Variants in VILL observed in about 807,000 individuals in gnomAD.
VILL encodes villin like.
In VILL, 102 loss-of-function variants were observed where a neutral mutation model predicts 106.3. That is an observed-to-expected ratio of 0.96 (90% confidence interval 0.82 to 1.13). The LOEUF (loss-of-function observed/expected upper bound fraction) is 1.13, where lower values mean the gene tolerates loss of function less well. VILL is among the 50% of genes most tolerant of loss of function. The probability of loss-of-function intolerance (pLI) is 0.00; values close to 1 mark genes in which losing one functional copy is unlikely to be tolerated. For missense variants in VILL, 1,076 were observed against 1,116.6 expected (o/e 0.96, Z 0.52); for synonymous variants, 431 against 440.3 (o/e 0.98, Z 0.27).
intron 3 of VILL, 122 bp downstream of exon 3, chr3:37,994,094 A>G (rs1699655202): frequency 6.9e-7 from 1 of 1,449,650 alleles, no homozygotes; most frequent in African/African-American, 1.4e-5. Flanking sequence ...ATCACATCCC[A>G]CAAGGGGGCG....
At chr3:37,993,753 G>C (rs768104112) in intron 2 of VILL, 21 bp downstream of exon 2, 3 of 1,613,396 alleles carry the variant, frequency 1.9e-6, no homozygotes, top group Admixed American at 1.7e-5. Context: ...CGACCAAATA[G>C]GAGAGTTGGT....
At chr3:37,994,228 C>G (rs1019106412) in intron 3 of VILL, 33 bp from the exon 4 acceptor site, 1 of 1,576,796 alleles carries the variant, frequency 6.3e-7, no homozygotes. Flanking sequence ...CCGTCTTCCC[C>G]GCAACACATA....
chr3:37,999,070 CT>C lies in VILL; in HGVS notation c.1081+21del. 6.7e-6 allele frequency: 2 copies of C among 300,436 alleles called. No individual in the cohort carries two copies. The highest frequency in any genetic ancestry group is 1.1e-5 in the Non-Finnish European group (2 of 184,978). The allele number at this position is 300,436 out of a possible 1,614,324, so 18.6% of individuals were successfully genotyped here. On this transcript the variant is annotated intron_variant, in intron 10 of 19. Coordinates refer to ENST00000383759, the MANE Select transcript of VILL (RefSeq NM_015873.4). Reference sequence around the variant, plus strand: ...GGAGGGGTGAGCGGGCGGGGCGGGGCTGACGGGGGCGGGGCGGGACTGGCGG... The same window carrying C: ...GGAGGGGTGAGCGGGCGGGGCGGGGCGACGGGGGCGGGGCGGGACTGGCGG...
intron 1 of VILL, among the ~76,000 whole-genome samples, chr3:37,991,343 AAG>A (rs1481777871): frequency 3.3e-5 from 5 of 149,926 alleles, no homozygotes; most frequent in Non-Finnish European, 7.4e-5. Context: ...TGCCCCGGGA[AAG>A]AGAGGGGAGC....
chr3:38,004,098 A>G, intron 15 of VILL, 157 bp from the exon 16 acceptor site: 1 of 928,004 alleles, frequency 1.1e-6, no homozygotes. Flanking sequence ...TACCCAGAGC[A>G]GAGCGGAGTG....
Position 38,006,219 on chromosome 3 carries a change from G to A in VILL, c.2172G>A (p.Pro724=), listed in dbSNP as rs774099760. 49 of 1,614,182 alleles carry A rather than the reference G, an allele frequency of 3.0e-5. No individual in the cohort carries two copies. In the East Asian group the frequency reaches 5.3e-4, roughly 18 times the overall value. The change falls in exon 18 of 20, where the codon CCG becomes CCA. Residue 724 remains proline (P), a synonymous_variant. Coordinates refer to ENST00000383759, the MANE Select transcript of VILL (RefSeq NM_015873.4). ...ACAAGGAAGTGGTGGATGGCAGCCC[G>A]GCAGCAGCATCAACCATCTCTGAGA... The part of the protein sequence containing the change: ...PSHKEVVDGS[P]AAASTISEIT...
chr3:37,998,981 G>A lies in VILL; in HGVS notation c.1012G>A (p.Ala338Thr). 6.2e-7 allele frequency: 1 copy of A among 1,610,110 alleles called. No homozygotes were observed. Among genetic ancestry groups the A allele is most frequent in the Non-Finnish European group, 8.5e-7 (1 of 1,178,484 alleles). ...GGTGGTGAACGACGGCGCCGAGTCG[G>A]CCGCGTTCAAGCAGCTCTTCCGGAC... is the stretch of plus-strand genomic sequence containing the variant. The part of the protein sequence containing the change: ...VEVVNDGAES[A>T]AFKQLFRTWS... The change falls in exon 10 of 20, where the codon GCC becomes ACC. Residue 338 changes from alanine to threonine, a missense_variant. Coordinates refer to ENST00000383759, the MANE Select transcript of VILL (RefSeq NM_015873.4). The surrounding 1 kb of genome is among the most constrained non-coding windows in gnomAD (Gnocchi z 4.1).
In VILL at chr3:38,002,482, G is replaced by A; in HGVS notation, c.1566G>A (p.Arg522=). Residue 522 remains arginine (R), a synonymous_variant, in exon 14 of 20, where the codon AGG becomes AGA. Transcript: ENST00000383759. ...QVQGTDSHNT[R]TMEVPARASS... ...AAGGCACTGACAGCCACAACACCAGGACCATGGAGGTGCCAGCCCGTGCCT... is the reference window on the plus strand; with the variant it reads ...AAGGCACTGACAGCCACAACACCAGAACCATGGAGGTGCCAGCCCGTGCCT... 6.2e-7 allele frequency: 1 copy of A among 1,614,110 alleles called. No individual in the cohort carries two copies. Among genetic ancestry groups the A allele is most frequent in the South Asian group, 1.1e-5 (1 of 91,078 alleles).
chr3:37,994,418 A>T lies in VILL; in HGVS notation c.293A>T (p.Gln98Leu). The T allele has an allele frequency of 6.2e-7, 1 of 1,612,622 alleles. No individual in the cohort carries two copies. The highest frequency in any genetic ancestry group is 8.5e-7 in the Non-Finnish European group (1 of 1,179,848). ...CAGACCGTGCTGCACCGCGAGGCGC[A>T]GGGCCACGAGTCCGACTGCTTCTGC... is the stretch of plus-strand genomic sequence containing the variant. ...GGQTVLHREA[Q>L]GHESDCFCSY... Residue 98 changes from glutamine (Q) to leucine (L), a missense_variant, in exon 4 of 20, where the codon CAG (glutamine) becomes CTG (leucine). Gln to Leu is a moderately radical substitution (Grantham distance 113). Coordinates refer to ENST00000383759, the MANE Select transcript of VILL (RefSeq NM_015873.4).
At chr3:38,005,284 C>G (rs1024797046) in intron 16 of VILL, among the ~76,000 whole-genome samples, 33 of 152,168 alleles carry the variant, frequency 2.2e-4, no homozygotes, top group African/African-American at 6.5e-4. Context: ...CCTGCTCCCC[C>G]CTCACTGCTT....
chr3:37,998,195 T>G lies in VILL; in HGVS notation c.843+27T>G. The G allele has an allele frequency of 6.2e-7, 1 of 1,613,944 alleles. No individual in the cohort carries two copies. The highest frequency in any genetic ancestry group is 8.5e-7 in the Non-Finnish European group (1 of 1,179,914). On this transcript the variant is annotated intron_variant, in intron 8 of 19. Transcript: ENST00000383759. The surrounding 1 kb of genome is among the most constrained non-coding windows in gnomAD (Gnocchi z 4.1). ...TGAGGAAGGCCTGGCCCCAGCTACTTGCATCCTTCCCCATCCACAACCCCA... is the reference window on the plus strand; with the variant it reads ...TGAGGAAGGCCTGGCCCCAGCTACTGGCATCCTTCCCCATCCACAACCCCA...
rs1699810133 is a variant in VILL at position 38,001,252 on chromosome 3, G to T, written c.1183-204G>T. The T allele has an allele frequency of 5.4e-6, 4 of 735,396 alleles. No individual in the cohort carries two copies. In the Admixed American group the frequency reaches 8.8e-5, roughly 16 times the overall value. The allele number at this position is 735,396 out of a possible 1,614,324, so 45.6% of individuals were successfully genotyped here. On this transcript the variant is annotated intron_variant, in intron 11 of 19. Coordinates refer to ENST00000383759, the MANE Select transcript of VILL (RefSeq NM_015873.4). ...CTCCCAAGTGTGGTGGGTTTCAGGG[G>T]TCCGTGGGGAAAGGGTCACCTGCAG...
At chr3:37,994,188 G>A (rs1168794264) in intron 3 of VILL, 73 bp from the exon 4 acceptor site, 1 of 1,527,206 alleles carries the variant, frequency 6.5e-7, no homozygotes, top group Admixed American at 1.9e-5. Context: ...CATGGCCCTT[G>A]GTACATCCTC....
In VILL at chr3:37,998,321, T is replaced by A; in HGVS notation, c.899T>A (p.Met300Lys). 1 of 1,614,134 alleles carries A rather than the reference T, an allele frequency of 6.2e-7. No homozygotes were observed. The highest frequency in any genetic ancestry group is 1.3e-5 in the African/African-American group (1 of 75,046). The change falls in exon 9 of 20, where the codon ATG (methionine) becomes AAG (lysine). Residue 300 changes from methionine (M) to lysine (K), a missense_variant. Met to Lys is a moderately conservative substitution (Grantham distance 95). Coordinates refer to ENST00000383759, the MANE Select transcript of VILL (RefSeq NM_015873.4). The surrounding 1 kb of genome is among the most constrained non-coding windows in gnomAD (Gnocchi z 4.1). ...AAGATCTATGTGTGGCAGGGACGCATGTCTAGCCTCCAGGAGAGAAAGGCT... is the reference window on the plus strand; with the variant it reads ...AAGATCTATGTGTGGCAGGGACGCAAGTCTAGCCTCCAGGAGAGAAAGGCT... ...GFKIYVWQGRMSSLQERKAAF... is the reference protein window; with the variant it reads ...GFKIYVWQGRKSSLQERKAAF...
chr3:38,001,920 C>T, intron 13 of VILL, 60 bp downstream of exon 13: 1 of 1,608,778 alleles, frequency 6.2e-7, no homozygotes, highest in Non-Finnish European at 8.5e-7. Context: ...GCCATGGCCC[C>T]CGCACACACT....
Position 37,993,585 on chromosome 3 carries a change from AGTT to A in VILL, c.-85_-83del, listed in dbSNP as rs1420017526. 2.4e-6 allele frequency: 3 copies of A among 1,232,130 alleles called. No homozygotes were observed. The East Asian group carries it at 7.2e-5, about 29-fold the overall frequency. 76.3% of individuals were successfully genotyped at this position (1,232,130 alleles called of 1,614,324 possible). A position where few individuals can be genotyped will look rare whatever the true frequency, so the allele number is the denominator to read the frequency against. On this transcript the variant is annotated splice_acceptor_variant and 5_prime_UTR_variant, in exon 2 of 20. Transcript: ENST00000383759. LOFTEE classifies it low-confidence loss of function (5UTR_SPLICE). ...TAATAAAAGTCATGTTCTATAATGA[AGTT>A]GTACAGGTAGCCAGGTGTCGGTCTC...
chr3:38,006,676 G>A lies in VILL; in HGVS notation c.2433G>A (p.Glu811=). The change falls in exon 19 of 20, where the codon GAG becomes GAA. Residue 811 remains glutamate, a synonymous_variant. Coordinates refer to ENST00000383759, the MANE Select transcript of VILL (RefSeq NM_015873.4). ...LMHQAVEDLP[E]GVDPARREFY... ...ACCAGGCTGTTGAGGACCTGCCAGA[G>A]GGCGTGGACCCTGCCCGCAGGGAGG... is the stretch of plus-strand genomic sequence containing the variant. 1.2e-6 allele frequency: 2 copies of A among 1,609,364 alleles called. No homozygotes were observed. The highest frequency in any genetic ancestry group is 1.7e-6 in the Non-Finnish European group (2 of 1,177,236).
rs1395140551 is a variant in VILL at position 37,998,103 on chromosome 3, G to T, written c.778G>T (p.Gly260Cys). The T allele has an allele frequency of 1.9e-6, 3 of 1,611,470 alleles. No individual in the cohort carries two copies. The highest frequency in any genetic ancestry group is 2.7e-5 in the African/African-American group (2 of 74,772). Reference protein sequence around the residue: ...NVRLYHVYEKGKDLVVLELAT... With the variant: ...NVRLYHVYEKCKDLVVLELAT... ...CTGTCCCCCCAGTGTCTATGAGAAG[G>T]GCAAAGACCTGGTGGTCCTGGAGTT... The change falls in exon 8 of 20, where the codon GGC becomes TGC. Residue 260 changes from glycine to cysteine, a missense_variant. Gly to Cys is a radical substitution (Grantham distance 159). Coordinates refer to ENST00000383759, the MANE Select transcript of VILL (RefSeq NM_015873.4). The surrounding 1 kb of genome is among the most constrained non-coding windows in gnomAD (Gnocchi z 4.1).
In VILL at chr3:37,997,576, C is replaced by T. The variant is rs1232780085; in HGVS notation, c.655C>T (p.Leu219Phe). 2 of 1,614,102 alleles carry T rather than the reference C, an allele frequency of 1.2e-6. No homozygotes were observed. Among genetic ancestry groups the T allele is most frequent in the Non-Finnish European group, 1.7e-6 (2 of 1,180,026 alleles). The change falls in exon 7 of 20, where the codon CTC (leucine) becomes TTC (phenylalanine). Residue 219 changes from leucine (L) to phenylalanine (F), a missense_variant. Leu to Phe is a conservative substitution (Grantham distance 22). Transcript: ENST00000383759. The surrounding 1 kb of genome is among the most constrained non-coding windows in gnomAD (Gnocchi z 4.7). ...GGATGATGAGGCCAAAGCCCCGGACCTCATGCAGATCATGGAGGCTGTGCT... is the reference window on the plus strand; with the variant it reads ...GGATGATGAGGCCAAAGCCCCGGACTTCATGCAGATCATGGAGGCTGTGCT... Reference protein sequence around the residue: ...VVDDEAKAPDLMQIMEAVLGR... With the variant: ...VVDDEAKAPDFMQIMEAVLGR...
Sources: gnomAD v4.1 joint callset for allele counts (sites outside exome capture counted in the v4.1 genomes callset) on GRCh38, gnomAD v4.1.1 for gene constraint, Gnocchi (gnomAD v3.1) non-coding constraint, MANE v1.5 for transcripts, NCBI Gene and HGNC (gene_info 2026-07-23, HGNC 2026-07-21) for gene names.